Variants in ZBTB20 observed in about 807,000 individuals in gnomAD.
ZBTB20 encodes the protein zinc finger and BTB domain containing 20, also known as zinc finger and BTB domain-containing protein 20.
ZBTB20 carries 9 observed loss-of-function variants against 56.9 expected under a neutral mutation model. That is an observed-to-expected ratio of 0.16 (90% CI 0.10 to 0.28). ZBTB20 has a LOEUF of 0.28. ZBTB20 is among the 10% of genes least tolerant of loss of function. The pLI is 1.00. For missense variants in ZBTB20, 655 were observed against 1,003.0 expected (o/e 0.65, Z 4.69); for synonymous variants, 417 against 420.7 (o/e 0.99, Z 0.11).
At chr3:114,872,923 T>C (rs756239263) in intron 4 of ZBTB20, among the ~76,000 whole-genome samples, 11 of 152,126 alleles carry the variant, frequency 7.2e-5, no homozygotes, top group Admixed American at 1.3e-4. Context: ...TCAAGGCTGC[T>C]CATATGGTAA....
At chr3:115,017,909 A>T (rs1441720796) in intron 2 of ZBTB20, among the ~76,000 whole-genome samples, 1 of 151,612 alleles carries the variant, frequency 6.6e-6, no homozygotes, top group Admixed American at 6.6e-5. Flanking sequence ...ATGAATATTT[A>T]CTTTCAGATA....
At chr3:114,552,198 C>T (rs1222962026) in intron 6 of ZBTB20, among the ~76,000 whole-genome samples, 3 of 152,054 alleles carry the variant, frequency 2.0e-5, no homozygotes, top group East Asian at 3.9e-4. Context: ...GGTGACGGAG[C>T]GAGACCTTGT....
At chr3:114,686,635 T>C (rs527728911) in intron 6 of ZBTB20, among the ~76,000 whole-genome samples, 3 of 152,330 alleles carry the variant, frequency 2.0e-5, no homozygotes, top group South Asian at 2.1e-4. Flanking sequence ...TTTTCTAATA[T>C]ACCTTTCTCT....
At chr3:114,830,467 A>G (rs1348061899) in intron 4 of ZBTB20, among the ~76,000 whole-genome samples, 2 of 151,924 alleles carry the variant, frequency 1.3e-5, no homozygotes, top group Admixed American at 6.6e-5. Context: ...TTTCCCAAAT[A>G]AGAGAATAAT....
intron 6 of ZBTB20, among the ~76,000 whole-genome samples, chr3:114,594,360 G>T (rs144023958): frequency 6.7e-6 from 1 of 150,096 alleles, no homozygotes; most frequent in Admixed American, 6.7e-5. Flanking sequence ...TCCGCCGCCC[G>T]GGTTCAAGTG....
intron 6 of ZBTB20, among the ~76,000 whole-genome samples, chr3:114,519,482 T>C (rs954222337): frequency 6.6e-6 from 1 of 152,180 alleles, no homozygotes; most frequent in African/African-American, 2.4e-5. Context: ...ACTGGGCTTA[T>C]AGCATTTCCT....
intron 5 of ZBTB20, among the ~76,000 whole-genome samples, chr3:114,769,559 ATATATATAT>A (rs1259104875): frequency 2.0e-4 from 2 of 9,840 alleles, no homozygotes; most frequent in South Asian, 0.031. Context: ...ATGCATATAT[ATATATATAT>A]ATATATATAT....
At chr3:114,842,504 C>A (rs2074426092) in intron 4 of ZBTB20, among the ~76,000 whole-genome samples, 1 of 152,154 alleles carries the variant, frequency 6.6e-6, no homozygotes, top group African/African-American at 2.4e-5. Context: ...CAAGTCTCTA[C>A]CTTCACGGAG....
intron 10 of ZBTB20, chr3:114,355,956 T>C (rs939959193): frequency 4.6e-5 from 7 of 152,088 alleles, no homozygotes; most frequent in African/African-American, 1.4e-4. Context: ...AAATAAAAAA[T>C]GCACAGTGTT....
chr3:115,138,311 C>A (rs1290044504), intron 1 of ZBTB20, among the ~76,000 whole-genome samples: 1 of 151,648 alleles, frequency 6.6e-6, no homozygotes, highest in African/African-American at 2.4e-5. Context: ...AATCAGGCAG[C>A]AGTTAGAGTC....
At chr3:114,416,760 C>G (rs753989220) in intron 7 of ZBTB20, among the ~76,000 whole-genome samples, 39 of 152,174 alleles carry the variant, frequency 2.6e-4, no homozygotes, top group Admixed American at 5.9e-4. Context: ...CCAAAATATG[C>G]TCCGGTTTGA....
intron 4 of ZBTB20, among the ~76,000 whole-genome samples, chr3:114,830,545 G>A (rs1042090253): frequency 6.6e-6 from 1 of 151,630 alleles, no homozygotes; most frequent in Non-Finnish European, 1.5e-5. Flanking sequence ...TATACCCTGA[G>A]CACTTATTAT....
chr3:114,697,013 T>C (rs1272949981), intron 5 of ZBTB20, among the ~76,000 whole-genome samples: 1 of 149,226 alleles, frequency 6.7e-6, no homozygotes, highest in Non-Finnish European at 1.5e-5. Context: ...TTGTAGCATC[T>C]AGATGTTTTC....
intron 2 of ZBTB20, among the ~76,000 whole-genome samples, chr3:115,001,029 C>T (rs987043691): frequency 4.8e-5 from 7 of 145,870 alleles, no homozygotes; most frequent in Admixed American, 1.4e-4. Flanking sequence ...TTGACCATTA[C>T]GAGGAAAAAA....
chr3:114,591,691 G>T (rs1161070540), intron 6 of ZBTB20, among the ~76,000 whole-genome samples: 1 of 152,166 alleles, frequency 6.6e-6, no homozygotes, highest in Non-Finnish European at 1.5e-5. Context: ...TTTGAGGTCT[G>T]CTTTCTCTCC....
chr3:114,350,941 G>C lies in ZBTB20; in HGVS notation c.1137C>G (p.Val379=). ...CAGGCTCGGTGCCTATGGAGGAGCT[G>C]ACGCCCGAGTCGAAGCTTTCACCTT... ...EPKGESFDSG[V]SSSIGTEPDS... is the part of the protein sequence containing the mutation. The change falls in exon 11 of 12, where the codon GTC becomes GTG. Residue 379 remains valine (V), a synonymous_variant. Coordinates refer to ENST00000675478, the MANE Select transcript of ZBTB20 (RefSeq NM_001348800.3). The C allele has an allele frequency of 6.2e-7, 1 of 1,606,058 alleles. No homozygotes were observed. Among genetic ancestry groups the C allele is most frequent in the East Asian group, 2.2e-5 (1 of 44,772 alleles).
chr3:114,645,807 A>G (rs2059803210), intron 6 of ZBTB20, among the ~76,000 whole-genome samples: 1 of 152,186 alleles, frequency 6.6e-6, no homozygotes, highest in South Asian at 2.1e-4. Flanking sequence ...CAATTCTCAG[A>G]CTTTACACAA....
intron 3 of ZBTB20, among the ~76,000 whole-genome samples, chr3:114,962,725 T>C (rs6438228): frequency 0.093 from 14,108 of 152,134 alleles, 1,918 homozygotes; most frequent in African/African-American, 0.3. Flanking sequence ...CTGTGCCTTC[T>C]TGTTGACAAA....
chr3:114,600,052 C>A (rs2056640755), intron 6 of ZBTB20, among the ~76,000 whole-genome samples: 1 of 151,992 alleles, frequency 6.6e-6, no homozygotes, highest in Admixed American at 6.6e-5. Context: ...AGAGGTTTAT[C>A]TTGAGGACCA....
Sources: gnomAD v4.1 joint callset for allele counts (sites outside exome capture counted in the v4.1 genomes callset) on GRCh38, gnomAD v4.1.1 for gene constraint, MANE v1.5 for transcripts, NCBI Gene and HGNC (gene_info 2026-07-23, HGNC 2026-07-21) for gene names.